Variants in CCSER1 observed in about 807,000 individuals in gnomAD.
CCSER1 encodes the protein coiled-coil serine rich protein 1, also known as serine-rich coiled-coil domain-containing protein 1.
A neutral mutation model predicts 82.0 loss-of-function variants in CCSER1; 41 were observed. The observed-to-expected ratio is 0.50, with a 90% CI of 0.39 to 0.65. CCSER1 has a LOEUF of 0.65. Ranked by LOEUF, CCSER1 falls within the 30% of genes least tolerant of loss-of-function variation. CCSER1 has a pLI of 0.00. For synonymous variants in CCSER1, 414 were observed against 383.9 expected (o/e 1.08, Z -0.92); for missense variants, 1,119 against 1,064.2 (o/e 1.05, Z -0.72).
At chr4:90,951,675 A>G (rs1000826787) in intron 9 of CCSER1, among the ~76,000 whole-genome samples, 1 of 152,104 alleles carries the variant, frequency 6.6e-6, no homozygotes, top group Non-Finnish European at 1.5e-5. Flanking sequence ...AATGCTTTGC[A>G]TATACTGCAA....
chr4:91,082,693 A>C, intron 9 of CCSER1, among the ~76,000 whole-genome samples: 1 of 152,084 alleles, frequency 6.6e-6, no homozygotes. Context: ...GAATCTACAA[A>C]GAACTTAAAC....
At chr4:90,916,899 A>G (rs1727532640) in intron 8 of CCSER1, among the ~76,000 whole-genome samples, 1 of 116,484 alleles carries the variant, frequency 8.6e-6, no homozygotes, top group Non-Finnish European at 1.7e-5. Context: ...TACAGTTAAG[A>G]GACACATGAA....
chr4:90,334,135 C>T (rs972947028), intron 3 of CCSER1, among the ~76,000 whole-genome samples: 1 of 152,030 alleles, frequency 6.6e-6, no homozygotes, highest in East Asian at 1.9e-4. Context: ...CAATTTAGAC[C>T]AAGAGAAATT....
chr4:90,603,238 C>T (rs1360102518), intron 5 of CCSER1, among the ~76,000 whole-genome samples: 1 of 152,192 alleles, frequency 6.6e-6, no homozygotes, highest in Non-Finnish European at 1.5e-5. Context: ...TATTTGCTAT[C>T]AGGTTATCTG....
At chr4:91,565,235 C>G (rs1762834775) in intron 10 of CCSER1, among the ~76,000 whole-genome samples, 1 of 151,874 alleles carries the variant, frequency 6.6e-6, no homozygotes, top group Non-Finnish European at 1.5e-5. Context: ...TTTCTGGGTT[C>G]TCTGTTCTGC....
At chr4:91,261,499 C>G (rs1316955202) in intron 10 of CCSER1, among the ~76,000 whole-genome samples, 1 of 152,160 alleles carries the variant, frequency 6.6e-6, no homozygotes, top group African/African-American at 2.4e-5. Flanking sequence ...AGTCATAGTA[C>G]CTTTCATTTA....
At chr4:90,132,111 A>T (rs547053514) in intron 1 of CCSER1, among the ~76,000 whole-genome samples, 10 of 152,350 alleles carry the variant, frequency 6.6e-5, no homozygotes, top group Admixed American at 5.9e-4. Flanking sequence ...AATAGATAAG[A>T]GTTATTACAA....
chr4:90,344,093 C>G (rs912615940), intron 3 of CCSER1, among the ~76,000 whole-genome samples: 3 of 152,078 alleles, frequency 2.0e-5, no homozygotes, highest in Non-Finnish European at 4.4e-5. Flanking sequence ...TCCATGAGTT[C>G]AATTGTTTCA....
intron 10 of CCSER1, among the ~76,000 whole-genome samples, chr4:91,505,365 T>A (rs1326589019): frequency 6.6e-6 from 1 of 152,228 alleles, no homozygotes; most frequent in Non-Finnish European, 1.5e-5. Context: ...TTAGGTTGAT[T>A]CCATGTCTTT....
At chr4:91,014,806 A>G (rs1296202876) in intron 9 of CCSER1, among the ~76,000 whole-genome samples, 1 of 152,200 alleles carries the variant, frequency 6.6e-6, no homozygotes, top group East Asian at 1.9e-4. Flanking sequence ...GCATACTGTA[A>G]TATTTTTTCT....
intron 6 of CCSER1, among the ~76,000 whole-genome samples, chr4:90,707,917 T>G (rs1446895022): frequency 6.6e-6 from 1 of 152,144 alleles, no homozygotes; most frequent in Non-Finnish European, 1.5e-5. Context: ...AGCTTTCGGT[T>G]TACAAGCTGC....
chr4:90,281,356 G>T (rs1316504076), intron 1 of CCSER1, among the ~76,000 whole-genome samples: 1 of 152,090 alleles, frequency 6.6e-6, no homozygotes, highest in East Asian at 1.9e-4. Context: ...GCCAGGAAAG[G>T]CAAGGATTGA....
intron 8 of CCSER1, among the ~76,000 whole-genome samples, chr4:90,900,813 G>C (rs1449952944): frequency 2.6e-5 from 4 of 151,718 alleles, no homozygotes; most frequent in African/African-American, 4.8e-5. Flanking sequence ...TAGGTCATTT[G>C]GTCAAGTCTA....
chr4:91,251,072 A>G (rs995806427), intron 10 of CCSER1, among the ~76,000 whole-genome samples: 1 of 152,154 alleles, frequency 6.6e-6, no homozygotes, highest in African/African-American at 2.4e-5. Context: ...CACTATAGAG[A>G]GGAAGAACAC....
chr4:90,413,305 C>T (rs1755184660), intron 4 of CCSER1, among the ~76,000 whole-genome samples: 1 of 152,124 alleles, frequency 6.6e-6, no homozygotes, highest in African/African-American at 2.4e-5. Context: ...ATCAGTGACA[C>T]AAACAAATGG....
chr4:90,933,029 A>AAAGAAAGAAAGG (rs1730353566), intron 9 of CCSER1, among the ~76,000 whole-genome samples: 1 of 96,762 alleles, frequency 1.0e-5, no homozygotes, highest in South Asian at 2.6e-4. Context: ...AGAAAGAAAG[A>AAAGAAAGAAAGG]AAGAAAGAAA....
chr4:90,136,634 A>T (rs1401029929), intron 1 of CCSER1, among the ~76,000 whole-genome samples: 1 of 152,246 alleles, frequency 6.6e-6, no homozygotes, highest in Non-Finnish European at 1.5e-5. Flanking sequence ...AATTAGAGGC[A>T]TGGCAAAAAT....
intron 9 of CCSER1, among the ~76,000 whole-genome samples, chr4:91,064,879 C>G (rs966793037): frequency 3.9e-5 from 6 of 152,116 alleles, no homozygotes; most frequent in African/African-American, 1.4e-4. Context: ...GATATACAAT[C>G]ACAATAAGAG....
intron 10 of CCSER1, among the ~76,000 whole-genome samples, chr4:91,386,529 C>T (rs1186753438): frequency 6.6e-6 from 1 of 151,836 alleles, no homozygotes; most frequent in Admixed American, 6.6e-5. Context: ...TTTGCAACCA[C>T]CATAATAAAG....
Sources: allele counts gnomAD v4.1 joint callset (sites outside exome capture counted in the v4.1 genomes callset), GRCh38; gene constraint gnomAD v4.1.1; transcripts MANE v1.5; gene names NCBI Gene and HGNC (gene_info 2026-07-23, HGNC 2026-07-21).